PDGFRB: variants seen among roughly 807,000 people sequenced by gnomAD.
The protein encoded by PDGFRB is platelet derived growth factor receptor beta, also known as platelet-derived growth factor receptor beta.
In PDGFRB, 42 loss-of-function variants were observed where a neutral mutation model predicts 120.2. The ratio of observed to expected loss-of-function variants is 0.35; its 90% CI spans 0.27 to 0.45. The LOEUF (loss-of-function observed/expected upper bound fraction) is 0.45, where lower values mean the gene tolerates loss of function less well. PDGFRB is among the 20% of genes least tolerant of loss of function. The pLI is 1.00. For synonymous variants in PDGFRB, 586 were observed against 606.8 expected (o/e 0.97, Z 0.50); for missense variants, 1,149 against 1,476.3 (o/e 0.78, Z 3.63).
chr5:150,135,941 G>T, intron 2 of PDGFRB, 63 bp from the exon 3 acceptor site: 1 of 1,251,786 alleles, frequency 8.0e-7, no homozygotes, highest in Non-Finnish European at 1.1e-6. Flanking sequence ...CCAAGGCTGA[G>T]CCTGCGAGGA....
chr5:150,149,807 A>G (rs981441813), intron 1 of PDGFRB, among the ~76,000 whole-genome samples: 2 of 152,220 alleles, frequency 1.3e-5, no homozygotes, highest in Non-Finnish European at 1.5e-5. Context: ...ACTGAGGCTC[A>G]GCCTCAGAAG....
At chr5:150,125,750 C>T (rs1014944584) in intron 11 of PDGFRB, among the ~76,000 whole-genome samples, 173 bp from the exon 12 acceptor site, 14 of 152,140 alleles carry the variant, frequency 9.2e-5, no homozygotes, top group Non-Finnish European at 1.5e-4. Flanking sequence ...TTCGTGGGCT[C>T]GGAGGGAACA....
intron 13 of PDGFRB, 67 bp downstream of exon 13, chr5:150,124,660 C>T: frequency 1.3e-6 from 1 of 771,036 alleles, no homozygotes; most frequent in East Asian, 2.6e-5. Context: ...CTGGGAGAGG[C>T]TAAGTGTGTG....
Position 150,126,613 on chromosome 5 carries a change from G to A in PDGFRB, c.1581C>T (p.Ser527=). 6.3e-7 allele frequency: 1 copy of A among 1,584,090 alleles called. No individual in the cohort carries two copies. The highest frequency in any genetic ancestry group is 8.7e-7 in the Non-Finnish European group (1 of 1,152,824). The change falls in exon 11 of 23, where the codon TCC becomes TCT. Residue 527 remains serine, a splice_region_variant and synonymous_variant. Coordinates refer to ENST00000261799, the MANE Select transcript of PDGFRB (RefSeq NM_002609.4). ...AGATCACCACCACCTTAAAGGGCAA[G>A]GCTGGAGGCAGAGATGAGAGCAGGC... ...DTQEVIVVPH[S]LPFKVVVISA...
Position 150,120,859 on chromosome 5 carries a change from G to T in PDGFRB, c.2586+29C>A. On this transcript the variant is annotated intron_variant, in intron 18 of 22. Transcript: ENST00000261799. This position sits in a 1 kb window ranked among gnomAD's most constrained non-coding sequence, Gnocchi z 4.3. Reference sequence around the variant, plus strand: ...TCCTGCGGTCACAGGCACTGTGACTGCCCTGCAGGGGCCAGGGAAGGTACT... The same window carrying T: ...TCCTGCGGTCACAGGCACTGTGACTTCCCTGCAGGGGCCAGGGAAGGTACT... 2 of 1,607,498 alleles carry T rather than the reference G, an allele frequency of 1.2e-6. No individual in the cohort carries two copies. The highest frequency in any genetic ancestry group is 1.7e-6 in the Non-Finnish European group (2 of 1,174,088).
chr5:150,138,827 C>T (rs1760705809), intron 1 of PDGFRB, among the ~76,000 whole-genome samples: 2 of 152,228 alleles, frequency 1.3e-5, no homozygotes, highest in African/African-American at 4.8e-5. Context: ...AGATCTCAGC[C>T]AAAGAAAATC....
chr5:150,146,719 T>A (rs1760933908), intron 1 of PDGFRB, among the ~76,000 whole-genome samples: 1 of 152,204 alleles, frequency 6.6e-6, no homozygotes, highest in African/African-American at 2.4e-5. Context: ...TCACCACAAC[T>A]GCCAAAACCT....
chr5:150,120,839 C>A lies in PDGFRB; in HGVS notation c.2586+49G>T, dbSNP rs200485871. On this transcript the variant is annotated intron_variant, in intron 18 of 22. Transcript: ENST00000261799. The surrounding 1 kb of genome is among the most constrained non-coding windows in gnomAD (Gnocchi z 4.3). ...CTGGTCAGGAGGGAATCTGTTCCTG[C>A]GGTCACAGGCACTGTGACTGCCCTG... is the stretch of plus-strand genomic sequence containing the variant. 1.3e-6 allele frequency: 2 copies of A among 1,582,048 alleles called. No homozygotes were observed. Among genetic ancestry groups the A allele is most frequent in the South Asian group, 1.1e-5 (1 of 90,066 alleles).
rs200073831 is a variant in PDGFRB at position 150,124,858 on chromosome 5, C to T, written c.1808-27G>A. On this transcript the variant is annotated intron_variant, in intron 12 of 22. Transcript: ENST00000261799. Reference sequence around the variant, plus strand: ...TGGTGCAGAGATGATCCATTAGCTCCTGGCCTACCAGGAAGCTGCACCGCT... The same window carrying T: ...TGGTGCAGAGATGATCCATTAGCTCTTGGCCTACCAGGAAGCTGCACCGCT... The T allele has an allele frequency of 4.6e-5, 58 of 1,263,114 alleles. No individual in the cohort carries two copies. In the African/African-American group the frequency reaches 7.9e-4, roughly 17 times the overall value. 78.2% of individuals were successfully genotyped at this position (1,263,114 alleles called of 1,614,324 possible). A position where few individuals can be genotyped will look rare whatever the true frequency, so the allele number is the denominator to read the frequency against.
At chr5:150,153,061 G>A (rs976562415) in intron 1 of PDGFRB, among the ~76,000 whole-genome samples, 4 of 152,330 alleles carry the variant, frequency 2.6e-5, no homozygotes, top group Admixed American at 6.5e-5. Context: ...TCCCAGCTGC[G>A]GAAGGAGCCC....
At chr5:150,124,623 G>A in intron 13 of PDGFRB, 104 bp downstream of exon 13, 1 of 643,802 alleles carries the variant, frequency 1.6e-6, no homozygotes, top group Non-Finnish European at 2.8e-6. Flanking sequence ...GGCCCCTCTA[G>A]TGCCTGCAAA....
intron 1 of PDGFRB, among the ~76,000 whole-genome samples, chr5:150,140,094 G>C (rs1188605909): frequency 2.0e-5 from 3 of 152,162 alleles, no homozygotes; most frequent in Admixed American, 1.3e-4. Context: ...CAAGAGGCTG[G>C]AGGGCCAGGG....
In PDGFRB at chr5:150,133,658, T is replaced by C. The variant is rs977354055; in HGVS notation, c.862A>G (p.Thr288Ala). 1.9e-6 allele frequency: 3 copies of C among 1,613,794 alleles called. No individual in the cohort carries two copies. The highest frequency in any genetic ancestry group is 8.5e-7 in the Non-Finnish European group (1 of 1,179,862). The change falls in exon 6 of 23, where the codon ACC becomes GCC. Residue 288 changes from threonine to alanine, a missense_variant. Physicochemically the swap from Thr to Ala is moderately conservative, Grantham distance 58 (BLOSUM62 0). Around this residue, in one of 3 missense-constraint regions of PDGFRB, gnomAD observed 879 missense variants for 1,108.6 expected, o/e 0.79. Transcript: ENST00000261799. ...CTCTCCGTCACATTGCAGGTGTAGG[T>C]CCCCGAGTCTTCTAACTCGGCACTG... Reference protein sequence around the residue: ...IPSAELEDSGTYTCNVTESVN... With the variant: ...IPSAELEDSGAYTCNVTESVN...
intron 1 of PDGFRB, among the ~76,000 whole-genome samples, chr5:150,139,234 G>T (rs1248783997): frequency 1.3e-5 from 2 of 152,222 alleles, no homozygotes; most frequent in African/African-American, 4.8e-5. Context: ...GAGAGGACAG[G>T]CAGGCAGTGT....
At chr5:150,116,467 G>A (rs187606235) in intron 22 of PDGFRB, among the ~76,000 whole-genome samples, 8 of 152,016 alleles carry the variant, frequency 5.3e-5, no homozygotes, top group African/African-American at 1.9e-4. Context: ...AAATTAGCCA[G>A]GCGTGGTGCT....
intron 5 of PDGFRB, 46 bp from the exon 6 acceptor site, chr5:150,133,806 G>A (rs1562009306): frequency 1.2e-6 from 2 of 1,611,734 alleles, no homozygotes; most frequent in Non-Finnish European, 8.5e-7. Context: ...GAGGGGCCGG[G>A]GAGAAATCAG....
At chr5:150,122,450 A>G (rs1427769273) in intron 15 of PDGFRB, among the ~76,000 whole-genome samples, 1 of 152,252 alleles carries the variant, frequency 6.6e-6, no homozygotes. Flanking sequence ...GTGGGGCTCT[A>G]CACACATCTG....
intron 1 of PDGFRB, chr5:150,153,834 AC>A (rs1234706754): frequency 6.6e-6 from 1 of 152,146 alleles, no homozygotes; most frequent in Non-Finnish European, 1.5e-5. Context: ...CTGGAAGGGC[AC>A]CTGTGAGAAG....
At chr5:150,130,155 C>T (rs760326244) in intron 9 of PDGFRB, among the ~76,000 whole-genome samples, 187 bp from the exon 10 acceptor site, 4 of 152,236 alleles carry the variant, frequency 2.6e-5, no homozygotes, top group Admixed American at 6.5e-5. Context: ...GAACTGACAA[C>T]GTGGATTGCA....
Sources: gnomAD v4.1 joint callset for allele counts (sites outside exome capture counted in the v4.1 genomes callset) on GRCh38, gnomAD v4.1.1 for gene constraint, gnomAD v4.1.1 regional missense constraint, Gnocchi (gnomAD v3.1) non-coding constraint, MANE v1.5 for transcripts, NCBI Gene and HGNC (gene_info 2026-07-23, HGNC 2026-07-21) for gene names.